C1orf21: variants seen among roughly 807,000 people sequenced by gnomAD.
The protein encoded by C1orf21 is uncharacterized protein C1orf21.
Under a neutral mutation model 18.7 loss-of-function variants are expected in C1orf21, and 3 were observed. That is an observed-to-expected ratio of 0.16 (90% CI 0.07 to 0.42). The LOEUF (loss-of-function observed/expected upper bound fraction) is 0.42. C1orf21 is among the 10% of genes least tolerant of loss of function. C1orf21 has a pLI of 0.99. For missense variants in C1orf21, 104 were observed against 143.6 expected, an observed-to-expected ratio of 0.72 and a Z score of 1.41; for synonymous variants, 41 against 46.4, an observed-to-expected ratio of 0.88 and a Z score of 0.47.
At chr1:184,521,900 C>T (rs777893452) in intron 3 of C1orf21, among the ~76,000 whole-genome samples, 1 of 152,114 alleles carries the variant, frequency 6.6e-6, no homozygotes, top group South Asian at 2.1e-4. Context: ...CTTTGGAAAT[C>T]AACGAAGACT....
chr1:184,614,598 G>A (rs1288813253), intron 5 of C1orf21, among the ~76,000 whole-genome samples: 2 of 151,978 alleles, frequency 1.3e-5, no homozygotes, highest in African/African-American at 4.8e-5. Context: ...GGTGGGGGTG[G>A]TTTCAGGATG....
intron 1 of C1orf21, among the ~76,000 whole-genome samples, chr1:184,464,943 CTCTT>C (rs1048497019): frequency 4.6e-5 from 7 of 152,156 alleles, no homozygotes; most frequent in African/African-American, 1.7e-4. Context: ...CTCTCTCTCT[CTCTT>C]TTAAAGAGAG....
rs570462353 is a variant in C1orf21, at chr1:184,619,967, A to T, written c.*411A>T. On this transcript the variant is annotated 3_prime_UTR_variant, in exon 6 of 6. Transcript: ENST00000235307. ...AACTGGTTCTGCTTCTAAGACAAGC[A>T]TCTCCTGCCCTCTCTCCTTCCTCCC... The T allele has an allele frequency of 5.8e-6, 1 of 172,452 alleles. No individual in the cohort carries two copies. The highest frequency in any genetic ancestry group is 2.4e-5 in the African/African-American group (1 of 41,754). The allele number at this position is 172,452 out of a possible 1,614,324, so 10.7% of individuals were successfully genotyped here.
intron 1 of C1orf21, among the ~76,000 whole-genome samples, chr1:184,391,998 G>A (rs956433401): frequency 7.9e-5 from 12 of 151,980 alleles, no homozygotes; most frequent in Admixed American, 5.2e-4. Flanking sequence ...GTGAGCCACC[G>A]TGCCCGGCCC....
At chr1:184,587,989 G>A (rs920368958) in intron 3 of C1orf21, among the ~76,000 whole-genome samples, 1 of 152,162 alleles carries the variant, frequency 6.6e-6, no homozygotes, top group Non-Finnish European at 1.5e-5. Context: ...TAGCCTGTGT[G>A]ATGAAATGGG....
chr1:184,617,529 G>A (rs892951873), intron 5 of C1orf21, among the ~76,000 whole-genome samples: 2 of 152,196 alleles, frequency 1.3e-5, no homozygotes, highest in African/African-American at 4.8e-5. Flanking sequence ...GTGTGACTCA[G>A]AGCATGTCTC....
chr1:184,433,738 G>A (rs1365034211), intron 1 of C1orf21, among the ~76,000 whole-genome samples: 4 of 152,122 alleles, frequency 2.6e-5, no homozygotes, highest in Non-Finnish European at 5.9e-5. Flanking sequence ...CATGTGCTTA[G>A]AAGCTACATG....
At chr1:184,530,233 C>T (rs1658440328) in intron 3 of C1orf21, among the ~76,000 whole-genome samples, 1 of 152,168 alleles carries the variant, frequency 6.6e-6, no homozygotes, top group South Asian at 2.1e-4. Context: ...AAGAGCCGGA[C>T]TAAATCTCAG....
At chr1:184,393,280 G>A (rs1328121601) in intron 1 of C1orf21, among the ~76,000 whole-genome samples, 1 of 152,074 alleles carries the variant, frequency 6.6e-6, no homozygotes, top group East Asian at 1.9e-4. Context: ...TAGACTTCTT[G>A]CTTCCAGCCC....
intron 4 of C1orf21, 113 bp downstream of exon 4, chr1:184,590,928 CA>C: frequency 9.1e-7 from 1 of 1,104,412 alleles, no homozygotes; most frequent in South Asian, 1.5e-5. Flanking sequence ...AATAATTCTA[CA>C]AAGTTCCAAA....
At chr1:184,579,233 G>A (rs1209490959) in intron 3 of C1orf21, among the ~76,000 whole-genome samples, 2 of 144,534 alleles carry the variant, frequency 1.4e-5, no homozygotes, top group East Asian at 2.1e-4. Context: ...GGTATTTTTA[G>A]TAGAGATAGG....
At chr1:184,516,225 A>G (rs1028284220) in intron 3 of C1orf21, among the ~76,000 whole-genome samples, 8 of 152,202 alleles carry the variant, frequency 5.3e-5, no homozygotes, top group Non-Finnish European at 2.9e-5. Context: ...AGTCTTATCT[A>G]TAGAGTTGAG....
intron 3 of C1orf21, among the ~76,000 whole-genome samples, chr1:184,554,414 AG>A (rs977461322): frequency 4.5e-4 from 68 of 152,342 alleles, no homozygotes; most frequent in African/African-American, 1.6e-3. Flanking sequence ...GTATGGAGAA[AG>A]AAGGTAAAGA....
At chr1:184,615,327 G>A (rs1196504830) in intron 5 of C1orf21, among the ~76,000 whole-genome samples, 5 of 152,142 alleles carry the variant, frequency 3.3e-5, no homozygotes, top group African/African-American at 9.7e-5. Flanking sequence ...GTCTGCACCC[G>A]AAGGCACTCA....
intron 1 of C1orf21, among the ~76,000 whole-genome samples, chr1:184,415,253 C>T (rs1307218106): frequency 1.3e-5 from 2 of 152,178 alleles, no homozygotes; most frequent in African/African-American, 4.8e-5. Flanking sequence ...CTCCTGTTGG[C>T]TTTACTACTA....
intron 3 of C1orf21, among the ~76,000 whole-genome samples, chr1:184,568,065 C>T (rs1659058060): frequency 6.6e-6 from 1 of 152,180 alleles, no homozygotes; most frequent in Non-Finnish European, 1.5e-5. Context: ...TCCTGCACAC[C>T]TCCCATTCCA....
At chr1:184,533,285 C>T (rs1312361170) in intron 3 of C1orf21, among the ~76,000 whole-genome samples, 1 of 152,092 alleles carries the variant, frequency 6.6e-6, no homozygotes, top group Non-Finnish European at 1.5e-5. Context: ...GCATGGAACC[C>T]TATACTTCCC....
intron 3 of C1orf21, chr1:184,566,479 A>G (rs1969683): frequency 0.19 from 52,915 of 275,394 alleles, 5,745 homozygotes; most frequent in African/African-American, 0.33. Flanking sequence ...TCTCACCTCA[A>G]CCCTGAGAGG....
At chr1:184,471,276 T>C (rs537459549) in intron 1 of C1orf21, among the ~76,000 whole-genome samples, 1 of 152,324 alleles carries the variant, frequency 6.6e-6, no homozygotes, top group Admixed American at 6.5e-5. Flanking sequence ...TGTTTATTTT[T>C]CCAGCAAATA....
Sources: allele counts gnomAD v4.1 joint callset (sites outside exome capture counted in the v4.1 genomes callset), GRCh38; gene constraint gnomAD v4.1.1; transcripts MANE v1.5; gene names NCBI Gene and HGNC (gene_info 2026-07-23, HGNC 2026-07-21).